The following NDST4 variants were observed in gnomAD, a reference collection of about 807,000 sequenced individuals.
NDST4 encodes N-heparan sulfate sulfotransferase 4.
A neutral mutation model predicts 100.8 loss-of-function variants in NDST4; 63 were observed. The ratio of observed to expected loss-of-function variants is 0.62; its 90% CI spans 0.51 to 0.77. The LOEUF (loss-of-function observed/expected upper bound fraction) is 0.77, where lower values mean the gene tolerates loss of function less well. Among genes scored for constraint, NDST4 ranks in the 30% least tolerant of loss-of-function variants. NDST4 has a pLI of 0.00. For missense variants in NDST4, 943 were observed against 1,018.4 expected, an observed-to-expected ratio of 0.93 and a Z score of 1.01; for synonymous variants, 377 against 361.8, an observed-to-expected ratio of 1.04 and a Z score of -0.48.
At chr4:114,916,534 CTCTGTGTGTG>C (rs1275807608) in intron 6 of NDST4, among the ~76,000 whole-genome samples, 1 of 123,418 alleles carries the variant, frequency 8.1e-6, no homozygotes, top group African/African-American at 3.3e-5. Flanking sequence ...TCCTGGTAGG[CTCTGTGTGTG>C]TGTGTGTGTG....
At chr4:115,069,836 T>C (rs1041068069) in intron 2 of NDST4, among the ~76,000 whole-genome samples, 1 of 152,196 alleles carries the variant, frequency 6.6e-6, no homozygotes, top group Non-Finnish European at 1.5e-5. Context: ...TGAGTTGAGA[T>C]CTTGCCACTG....
chr4:114,918,513 G>A (rs1725221578), intron 6 of NDST4, among the ~76,000 whole-genome samples: 1 of 150,460 alleles, frequency 6.6e-6, no homozygotes, highest in Admixed American at 6.6e-5. Flanking sequence ...TGCACAATGT[G>A]CACATGTACC....
chr4:114,889,005 T>C (rs1366535683), intron 6 of NDST4, among the ~76,000 whole-genome samples: 3 of 152,156 alleles, frequency 2.0e-5, no homozygotes, highest in Non-Finnish European at 4.4e-5. Context: ...TTCTCATCCA[T>C]ACATCCCTGC....
chr4:115,056,509 G>A (rs183743721), intron 2 of NDST4, among the ~76,000 whole-genome samples: 1 of 152,118 alleles, frequency 6.6e-6, no homozygotes, highest in East Asian at 1.9e-4. Flanking sequence ...TCTCAACCAG[G>A]GAACAACTGA....
At chr4:115,112,054 T>C (rs564040027) in intron 1 of NDST4, among the ~76,000 whole-genome samples, 25 of 151,726 alleles carry the variant, frequency 1.6e-4, no homozygotes, top group African/African-American at 5.8e-4. Flanking sequence ...GTGGACTTTA[T>C]ATTCTTTACA....
At chr4:114,857,171 C>A (rs72679761) in intron 7 of NDST4, among the ~76,000 whole-genome samples, 11,143 of 152,148 alleles carry the variant, frequency 0.073, 464 homozygotes, top group African/African-American at 0.09. Context: ...ACAATGTACA[C>A]TTTTAAGGTT....
intron 4 of NDST4, among the ~76,000 whole-genome samples, chr4:114,967,788 T>TAAA (rs869276464): frequency 2.6e-5 from 4 of 151,910 alleles, no homozygotes; most frequent in African/African-American, 9.7e-5. Flanking sequence ...ATATTTTTTT[T>TAAA]AAAAAAAATT....
At chr4:115,003,948 C>T (rs1482219183) in intron 2 of NDST4, among the ~76,000 whole-genome samples, 2 of 151,884 alleles carry the variant, frequency 1.3e-5, no homozygotes, top group African/African-American at 2.4e-5. Context: ...AGATGTTTCC[C>T]CTTCTTACAG....
chr4:115,068,137 T>G (rs1380687900), intron 2 of NDST4, among the ~76,000 whole-genome samples: 1 of 152,026 alleles, frequency 6.6e-6, no homozygotes, highest in East Asian at 1.9e-4. Flanking sequence ...TATTAACTGT[T>G]TTTTTTAAAT....
intron 6 of NDST4, among the ~76,000 whole-genome samples, chr4:114,876,028 C>G (rs551709325): frequency 6.6e-6 from 1 of 152,210 alleles, no homozygotes; most frequent in African/African-American, 2.4e-5. Flanking sequence ...CCTTACAGTG[C>G]CTTTAAAAGT....
chr4:115,030,688 A>C (rs1458852614), intron 2 of NDST4, among the ~76,000 whole-genome samples: 7 of 152,162 alleles, frequency 4.6e-5, no homozygotes, highest in Non-Finnish European at 7.4e-5. Flanking sequence ...TAATCACAAT[A>C]AAATTTTTAA....
Position 114,854,801 on chromosome 4 carries a change from T to C in NDST4, c.1720-1980A>G, listed in dbSNP as rs372840096. 6.6e-5 allele frequency among the ~76,000 whole-genome samples: 10 copies of C among 152,310 alleles called. No individual in the cohort carries two copies. In the East Asian group the frequency reaches 1.5e-3, roughly 24 times the overall value. On this transcript the variant is annotated intron_variant, in intron 7 of 13. Coordinates refer to ENST00000264363, the MANE Select transcript of NDST4 (RefSeq NM_022569.3). ...TAGAATATTTTTAATATTCATGATGTTAGATTGCTGAATCACATGGTAGTT... is the reference window on the plus strand; with the variant it reads ...TAGAATATTTTTAATATTCATGATGCTAGATTGCTGAATCACATGGTAGTT...
rs761395212 is a variant in NDST4 at position 115,076,395 on chromosome 4, A to T, written c.642T>A (p.Pro214=). 1.2e-6 allele frequency: 2 copies of T among 1,613,976 alleles called. No individual in the cohort carries two copies. The highest frequency in any genetic ancestry group is 2.2e-5 in the South Asian group (2 of 91,084). ...AAATAGTCCAGTCTTCCCCAGGAAG[A>T]GGGCCTTTCTCAACCTTGGGGGCTT... ...ITKAPKVEKG[P]LPGEDWTIFQ... is the part of the protein sequence containing the mutation. The change falls in exon 2 of 14, where the codon CCT becomes CCA. Residue 214 remains proline (P), a synonymous_variant. Transcript: ENST00000264363.
intron 6 of NDST4, among the ~76,000 whole-genome samples, chr4:114,906,374 G>A (rs1724948693): frequency 1.3e-5 from 2 of 149,932 alleles, no homozygotes; most frequent in Non-Finnish European, 3.0e-5. Flanking sequence ...TTCTCTAGCG[G>A]CATTTTTTTT....
intron 2 of NDST4, among the ~76,000 whole-genome samples, chr4:115,000,526 T>C (rs1727267105): frequency 6.6e-6 from 1 of 152,084 alleles, no homozygotes; most frequent in Non-Finnish European, 1.5e-5. Flanking sequence ...TTGTCAGTAA[T>C]TTAAAAATAA....
At chr4:115,109,519 T>C (rs1729899299) in intron 1 of NDST4, among the ~76,000 whole-genome samples, 1 of 151,990 alleles carries the variant, frequency 6.6e-6, no homozygotes, top group African/African-American at 2.4e-5. Flanking sequence ...AGAGTACAAA[T>C]TGGATTTAGT....
chr4:115,034,163 A>C (rs28457694), intron 2 of NDST4, among the ~76,000 whole-genome samples: 15,485 of 152,106 alleles, frequency 0.1, 2,300 homozygotes, highest in African/African-American at 0.33. Flanking sequence ...TAGCAGGTTC[A>C]CATTTCCTGC....
chr4:114,999,096 T>A (rs917276859), intron 2 of NDST4, among the ~76,000 whole-genome samples: 1 of 152,116 alleles, frequency 6.6e-6, no homozygotes, highest in African/African-American at 2.4e-5. Flanking sequence ...ATGATGCATA[T>A]TTGTTAATGA....
At chr4:114,932,165 T>A (rs976249548) in intron 6 of NDST4, among the ~76,000 whole-genome samples, 24 of 151,942 alleles carry the variant, frequency 1.6e-4, no homozygotes, top group African/African-American at 5.3e-4. Context: ...TGGGATTTAT[T>A]CCTAGGATGT....
Sources: allele counts gnomAD v4.1 joint callset (sites outside exome capture counted in the v4.1 genomes callset), GRCh38; gene constraint gnomAD v4.1.1; transcripts MANE v1.5; gene names NCBI Gene and HGNC (gene_info 2026-07-23, HGNC 2026-07-21).